The following CHRM3 variants were observed in gnomAD, a reference collection of about 807,000 sequenced individuals.
CHRM3 encodes the protein muscarinic acetylcholine receptor M3.
In CHRM3, 11 loss-of-function variants were observed where a neutral mutation model predicts 41.8. That is an observed-to-expected ratio of 0.26 (90% CI 0.17 to 0.44). The LOEUF is 0.44. Among genes scored for constraint, CHRM3 ranks in the 20% least tolerant of loss-of-function variants. The probability of loss-of-function intolerance (pLI) is 1.00; values close to 1 mark genes in which losing one functional copy is unlikely to be tolerated. For missense variants in CHRM3, 571 were observed against 745.4 expected, an observed-to-expected ratio of 0.77 and a Z score of 2.72; for synonymous variants, 297 against 301.4, an observed-to-expected ratio of 0.99 and a Z score of 0.15.
intron 4 of CHRM3, among the ~76,000 whole-genome samples, chr1:239,674,788 G>A (rs565621837): frequency 6.6e-6 from 1 of 151,642 alleles, no homozygotes; most frequent in South Asian, 2.1e-4. Flanking sequence ...GCCATTTCCT[G>A]TTGTATGCTA....
chr1:239,692,588 G>T (rs1659821518), intron 5 of CHRM3, among the ~76,000 whole-genome samples: 1 of 152,158 alleles, frequency 6.6e-6, no homozygotes, highest in African/African-American at 2.4e-5. Context: ...ACAATTTGAA[G>T]AGGGTTTGCA....
chr1:239,821,470 C>A (rs1003580735), intron 5 of CHRM3, among the ~76,000 whole-genome samples: 3 of 152,140 alleles, frequency 2.0e-5, no homozygotes, highest in African/African-American at 4.8e-5. Flanking sequence ...CCCAGAAATT[C>A]TCTGATGTAC....
chr1:239,577,814 G>T (rs954154682), intron 3 of CHRM3, among the ~76,000 whole-genome samples: 8 of 152,052 alleles, frequency 5.3e-5, no homozygotes, highest in Non-Finnish European at 2.9e-5. Flanking sequence ...CTTGAAGGAG[G>T]CAGGTCCTGT....
intron 3 of CHRM3, among the ~76,000 whole-genome samples, chr1:239,595,087 C>T (rs954209359): frequency 6.6e-6 from 1 of 152,140 alleles, no homozygotes; most frequent in Non-Finnish European, 1.5e-5. Context: ...GAAACTCTGT[C>T]TCAAAAAGAA....
rs6691767 is a variant in CHRM3, at chr1:239,753,820, T to C, written c.-146-73432T>C. ...ACCATAGTTGATACACAGACAACAG[T>C]GGATATTTCCTAAGAGAATTTTTTA... On this transcript the variant is annotated intron_variant, in intron 5 of 6. Transcript: ENST00000676153. 4.7e-3 allele frequency among the ~76,000 whole-genome samples: 716 copies of C among 152,308 alleles called. 3 individuals are homozygous for C. The highest frequency in any genetic ancestry group is 0.017 in the African/African-American group (690 of 41,574).
chr1:239,412,254 G>A (rs570045602), intron 1 of CHRM3, among the ~76,000 whole-genome samples: 29 of 118,804 alleles, frequency 2.4e-4, no homozygotes, highest in South Asian at 1.2e-3. Context: ...TTTTTTTGTC[G>A]TTCTCCTTCA....
chr1:239,437,370 G>A lies in CHRM3; in HGVS notation c.-521+50143G>A, dbSNP rs147921617. 1.4e-3 allele frequency among the ~76,000 whole-genome samples: 215 copies of A among 152,160 alleles called. 2 individuals carry two copies. The South Asian group carries it at 0.017, about 12-fold the overall frequency. On this transcript the variant is annotated intron_variant, in intron 1 of 6. Coordinates refer to ENST00000676153, the MANE Select transcript of CHRM3 (RefSeq NM_001375978.1). ...GCCTCCCAAAGTGTTGGGATTATAG[G>A]CATGAGCCACCACACCTGGCCCCAC...
intron 3 of CHRM3, among the ~76,000 whole-genome samples, chr1:239,587,478 A>T (rs12043301): frequency 0.63 from 96,171 of 152,042 alleles, 35,524 homozygotes; most frequent in Non-Finnish European, 0.8. Context: ...CTTTTTTCTC[A>T]TTGAAAATTT....
chr1:239,903,698 C>A (rs1679752215), intron 6 of CHRM3, among the ~76,000 whole-genome samples: 1 of 152,166 alleles, frequency 6.6e-6, no homozygotes, highest in South Asian at 2.1e-4. Flanking sequence ...TTCCTTCATG[C>A]CTTTCCTCTA....
chr1:239,536,780 A>G (rs1006493922), intron 2 of CHRM3, among the ~76,000 whole-genome samples: 3 of 152,170 alleles, frequency 2.0e-5, no homozygotes, highest in Non-Finnish European at 4.4e-5. Flanking sequence ...TTTTAGAATC[A>G]GTTATACACT....
chr1:239,886,286 A>G (rs1431600023), intron 6 of CHRM3: 1 of 152,182 alleles, frequency 6.6e-6, no homozygotes, highest in African/African-American at 2.4e-5. Flanking sequence ...ATGACCGACC[A>G]AGGAAGAGTC....
intron 5 of CHRM3, among the ~76,000 whole-genome samples, chr1:239,729,296 A>T: frequency 6.6e-6 from 1 of 151,896 alleles, no homozygotes; most frequent in Non-Finnish European, 1.5e-5. Context: ...ATGTACACAT[A>T]AATGTCTGTT....
chr1:239,851,537 G>A (rs1404800573), intron 6 of CHRM3, among the ~76,000 whole-genome samples: 4 of 152,102 alleles, frequency 2.6e-5, no homozygotes, highest in Admixed American at 2.6e-4. Flanking sequence ...ATGAAATTGA[G>A]GTCTTTAAGG....
At chr1:239,803,889 G>A (rs963397838) in intron 5 of CHRM3, among the ~76,000 whole-genome samples, 2 of 152,220 alleles carry the variant, frequency 1.3e-5, no homozygotes, top group Admixed American at 6.5e-5. Context: ...GCAGTAAGTC[G>A]TGATAGCACG....
At chr1:239,393,907 A>G (rs1228565804) in intron 1 of CHRM3, among the ~76,000 whole-genome samples, 7 of 152,212 alleles carry the variant, frequency 4.6e-5, no homozygotes, top group Non-Finnish European at 8.8e-5. Flanking sequence ...AAATGACTCA[A>G]TCATTCCATC....
At chr1:239,530,615 T>G (rs1670336137) in intron 2 of CHRM3, among the ~76,000 whole-genome samples, 1 of 152,152 alleles carries the variant, frequency 6.6e-6, no homozygotes, top group African/African-American at 2.4e-5. Context: ...AAGGATACTA[T>G]GATTGAAGAA....
At chr1:239,726,935 A>G (rs893727120) in intron 5 of CHRM3, among the ~76,000 whole-genome samples, 1 of 151,930 alleles carries the variant, frequency 6.6e-6, no homozygotes, top group African/African-American at 2.4e-5. Context: ...CTGGAAAGCT[A>G]CCATTAACAA....
At chr1:239,651,428 G>C (rs1235684470) in intron 4 of CHRM3, among the ~76,000 whole-genome samples, 2 of 152,190 alleles carry the variant, frequency 1.3e-5, no homozygotes, top group East Asian at 3.8e-4. Flanking sequence ...TCTTGTTAGA[G>C]AACAAGGAAG....
chr1:239,415,996 A>G (rs912741434), intron 1 of CHRM3, among the ~76,000 whole-genome samples: 2 of 152,208 alleles, frequency 1.3e-5, no homozygotes, highest in Admixed American at 1.3e-4. Context: ...TGGTAGCAGG[A>G]CGCTGCTATG....
Sources: gnomAD v4.1 joint callset for allele counts (sites outside exome capture counted in the v4.1 genomes callset) on GRCh38, gnomAD v4.1.1 for gene constraint, MANE v1.5 for transcripts, NCBI Gene and HGNC (gene_info 2026-07-23, HGNC 2026-07-21) for gene names.